PALS1: variants seen among roughly 807,000 people sequenced by gnomAD.
PALS1 encodes protein PALS1.
PALS1 carries 31 observed loss-of-function variants against 78.9 expected under a neutral mutation model. That is an observed-to-expected ratio of 0.39 (90% confidence interval 0.30 to 0.53). The LOEUF (loss-of-function observed/expected upper bound fraction) is 0.53. PALS1 is among the 20% of genes least tolerant of loss of function. PALS1 has a pLI of 0.67. For missense variants in PALS1, 704 were observed against 826.5 expected (o/e 0.85, Z 1.82); for synonymous variants, 276 against 270.9 (o/e 1.02, Z -0.18).
rs372288484 is a variant in PALS1 at position 67,302,397 on chromosome 14, T to C, written c.802-13T>C. 9 of 1,486,756 alleles carry C rather than the reference T, an allele frequency of 6.1e-6. No individual in the cohort carries two copies. Among genetic ancestry groups the C allele is most frequent in the East Asian group, 5.0e-5 (2 of 40,314 alleles). 92.1% of individuals were successfully genotyped at this position (1,486,756 alleles called of 1,614,324 possible). On this transcript the variant is annotated splice_polypyrimidine_tract_variant and intron_variant, in intron 6 of 14. Coordinates refer to ENST00000261681, the MANE Select transcript of PALS1 (RefSeq NM_022474.4). ...TATTTTTATTTTTAAATTATACATA[T>C]ATATATTTTTAGGGTGCTACAGTTC...
chr14:67,281,780 A>G (rs1166719098), intron 3 of PALS1, among the ~76,000 whole-genome samples: 2 of 151,888 alleles, frequency 1.3e-5, no homozygotes, highest in East Asian at 3.9e-4. Context: ...GTTTTGCCTA[A>G]GCACACAAAA....
At chr14:67,251,041 CAG>C (rs2084055797) in intron 1 of PALS1, among the ~76,000 whole-genome samples, 1 of 152,132 alleles carries the variant, frequency 6.6e-6, no homozygotes. Context: ...AATTGAGGCT[CAG>C]AGAGATTAAA....
intron 11 of PALS1, among the ~76,000 whole-genome samples, chr14:67,319,433 T>TC (rs1456308206): frequency 2.0e-5 from 3 of 152,110 alleles, no homozygotes; most frequent in Non-Finnish European, 4.4e-5. Context: ...GGGTTAGCAT[T>TC]CCAGAGTAGA....
chr14:67,279,876 A>G lies in PALS1; in HGVS notation c.367+339A>G, dbSNP rs2095569847. 5 of 242,856 alleles carry G rather than the reference A, an allele frequency of 2.1e-5. No individual in the cohort carries two copies. The South Asian group carries it at 8.8e-4, about 43-fold the overall frequency. The allele number at this position is 242,856 out of a possible 1,614,324, so 15.0% of individuals were successfully genotyped here. A position where few individuals can be genotyped will look rare whatever the true frequency, so the allele number is the denominator to read the frequency against. On this transcript the variant is annotated intron_variant, in intron 3 of 14. Transcript: ENST00000261681. ...ACTAAAAAAGAATTTTCAGATTTTG[A>G]ATTTCTGATTTCCTTAAAGTTTTGT... is the stretch of plus-strand genomic sequence containing the variant.
At chr14:67,331,187 G>T (rs1406724950) in intron 14 of PALS1, among the ~76,000 whole-genome samples, 1 of 152,096 alleles carries the variant, frequency 6.6e-6, no homozygotes. Flanking sequence ...TGGGATTACA[G>T]ATGTGCACCA....
At chr14:67,255,443 G>C (rs1301289684) in intron 1 of PALS1, among the ~76,000 whole-genome samples, 1 of 151,998 alleles carries the variant, frequency 6.6e-6, no homozygotes, top group East Asian at 1.9e-4. Context: ...TATTCCTTTG[G>C]TAAACTGCTT....
At chr14:67,245,581 G>A (rs963213253) in intron 1 of PALS1, among the ~76,000 whole-genome samples, 7 of 151,812 alleles carry the variant, frequency 4.6e-5, no homozygotes, top group Non-Finnish European at 7.4e-5. Flanking sequence ...AGAACTCCTG[G>A]GCTCAAGTGA....
At chr14:67,244,415 C>A (rs11158658) in intron 1 of PALS1, among the ~76,000 whole-genome samples, 6,379 of 152,262 alleles carry the variant, frequency 0.042, 819 homozygotes, top group East Asian at 0.41. Flanking sequence ...CACTGGGCAT[C>A]GTAAGATTTT....
At chr14:67,295,775 T>A (rs2084838736) in intron 4 of PALS1, among the ~76,000 whole-genome samples, 1 of 152,230 alleles carries the variant, frequency 6.6e-6, no homozygotes, top group South Asian at 2.1e-4. Flanking sequence ...TATAAATTGA[T>A]ACTACCACTT....
At chr14:67,259,084 C>G (rs1407033496) in intron 1 of PALS1, among the ~76,000 whole-genome samples, 2 of 151,700 alleles carry the variant, frequency 1.3e-5, no homozygotes, top group Non-Finnish European at 2.9e-5. Flanking sequence ...CTCAAGTGAT[C>G]CGCCTGCCTC....
chr14:67,267,861 G>T lies in PALS1; in HGVS notation c.-236-1840G>T, dbSNP rs116476416. Among the ~76,000 whole-genome samples, 1,045 of 152,232 alleles carry T rather than the reference G, an allele frequency of 6.9e-3. 18 individuals carry two copies. The highest frequency in any genetic ancestry group is 0.024 in the African/African-American group (1,007 of 41,552). Reference sequence around the variant, plus strand: ...TGGAATCATACTCGTGTCTGGCATTGTGTTTTTGAGACTGTGTTGTTGGAT... The same window carrying T: ...TGGAATCATACTCGTGTCTGGCATTTTGTTTTTGAGACTGTGTTGTTGGAT... On this transcript the variant is annotated intron_variant, in intron 1 of 14. Transcript: ENST00000261681.
intron 2 of PALS1, among the ~76,000 whole-genome samples, chr14:67,277,951 A>G (rs953306575): frequency 1.3e-5 from 2 of 152,096 alleles, no homozygotes; most frequent in African/African-American, 4.8e-5. Context: ...GCTGTACAGT[A>G]TGACTCTCAA....
intron 1 of PALS1, among the ~76,000 whole-genome samples, chr14:67,258,050 G>A (rs1216182377): frequency 6.6e-6 from 1 of 151,780 alleles, no homozygotes; most frequent in Non-Finnish European, 1.5e-5. Flanking sequence ...TTTGGCAATA[G>A]GTAGGTGTGG....
intron 4 of PALS1, among the ~76,000 whole-genome samples, chr14:67,294,146 A>G (rs1329677027): frequency 6.6e-6 from 1 of 152,196 alleles, no homozygotes; most frequent in Non-Finnish European, 1.5e-5. Flanking sequence ...TGAATATAGG[A>G]TAGTTCACTA....
At chr14:67,249,913 TA>T (rs2084042387) in intron 1 of PALS1, among the ~76,000 whole-genome samples, 1 of 152,230 alleles carries the variant, frequency 6.6e-6, no homozygotes, top group Non-Finnish European at 1.5e-5. Context: ...GGTGCTCTGC[TA>T]GGACTTGGTT....
At chr14:67,289,562 T>G (rs989954051) in intron 3 of PALS1, among the ~76,000 whole-genome samples, 5 of 152,060 alleles carry the variant, frequency 3.3e-5, no homozygotes, top group African/African-American at 1.2e-4. Flanking sequence ...TATATATGTT[T>G]GAAAGGAAGA....
chr14:67,266,450 C>T (rs1259809557), intron 1 of PALS1, among the ~76,000 whole-genome samples: 6 of 152,010 alleles, frequency 3.9e-5, no homozygotes, highest in African/African-American at 7.2e-5. Flanking sequence ...CTCAGCCTGC[C>T]GAGTAGCTGG....
chr14:67,324,880 C>G (rs908111563), intron 14 of PALS1, among the ~76,000 whole-genome samples: 2 of 150,838 alleles, frequency 1.3e-5, no homozygotes, highest in Non-Finnish European at 3.0e-5. Context: ...TAAGCTACCA[C>G]GCCCAGCCTT....
At chr14:67,314,793 T>A (rs974798454) in intron 9 of PALS1, among the ~76,000 whole-genome samples, 10 of 152,328 alleles carry the variant, frequency 6.6e-5, no homozygotes, top group African/African-American at 2.2e-4. Flanking sequence ...CAGATTTTTT[T>A]AAGAGGTCAT....
Sources: gnomAD v4.1 joint callset for allele counts (sites outside exome capture counted in the v4.1 genomes callset) on GRCh38, gnomAD v4.1.1 for gene constraint, MANE v1.5 for transcripts, NCBI Gene and HGNC (gene_info 2026-07-23, HGNC 2026-07-21) for gene names.